Variants in SH3GL3 observed in about 807,000 individuals in gnomAD.
SH3GL3 encodes the protein SH3 domain containing GRB2 like 3, endophilin A3, also known as endophilin-A3.
In SH3GL3, 33 loss-of-function variants were observed where a neutral mutation model predicts 47.7. The ratio of observed to expected loss-of-function variants is 0.69; its 90% confidence interval spans 0.52 to 0.92. The LOEUF (loss-of-function observed/expected upper bound fraction) is 0.92. Among genes scored for constraint, SH3GL3 ranks in the 40% least tolerant of loss-of-function variants. The pLI is 0.00. For missense variants in SH3GL3, 363 were observed against 417.8 expected, an observed-to-expected ratio of 0.87 and a Z score of 1.14; for synonymous variants, 155 against 148.8, an observed-to-expected ratio of 1.04 and a Z score of -0.30.
intron 8 of SH3GL3, among the ~76,000 whole-genome samples, chr15:83,615,085 G>A (rs1477983396): frequency 6.7e-6 from 1 of 149,896 alleles, no homozygotes; most frequent in Non-Finnish European, 1.5e-5. Flanking sequence ...CATCAAATAG[G>A]ATGGCAAAAG....
intron 1 of SH3GL3, among the ~76,000 whole-genome samples, chr15:83,457,958 T>C (rs931362815): frequency 2.0e-5 from 3 of 152,218 alleles, no homozygotes; most frequent in Non-Finnish European, 4.4e-5. Flanking sequence ...TTTTTTTCCC[T>C]ATTGCTTTAG....
intron 1 of SH3GL3, among the ~76,000 whole-genome samples, chr15:83,470,892 A>G (rs1369531124): frequency 6.6e-6 from 1 of 152,172 alleles, no homozygotes; most frequent in Non-Finnish European, 1.5e-5. Context: ...GTTCAAGTGA[A>G]GTGTAGAAAA....
intron 1 of SH3GL3, among the ~76,000 whole-genome samples, chr15:83,507,447 G>A (rs1478513838): frequency 2.0e-5 from 3 of 150,950 alleles, no homozygotes; most frequent in Non-Finnish European, 2.9e-5. Flanking sequence ...AGAGAGTCTC[G>A]CTCTGTCGCC....
intron 1 of SH3GL3, among the ~76,000 whole-genome samples, chr15:83,530,791 T>C (rs946297717): frequency 8.5e-5 from 13 of 152,194 alleles, no homozygotes; most frequent in African/African-American, 2.9e-4. Flanking sequence ...TCATGATTCA[T>C]CTTTTCCATT....
intron 8 of SH3GL3, among the ~76,000 whole-genome samples, chr15:83,606,446 G>T (rs771761224): frequency 6.6e-6 from 1 of 152,160 alleles, no homozygotes; most frequent in African/African-American, 2.4e-5. Context: ...AGAAATATAT[G>T]CAATTTTTTT....
intron 1 of SH3GL3, among the ~76,000 whole-genome samples, chr15:83,541,077 T>C (rs1040872362): frequency 6.6e-6 from 1 of 152,166 alleles, no homozygotes; most frequent in Non-Finnish European, 1.5e-5. Context: ...CTTAACATAA[T>C]GTCCTCCACT....
At position 83,448,516 on chromosome 15, in the gene SH3GL3, T is replaced by C. The variant is rs370060937; in HGVS notation, c.45+938T>C. Among the ~76,000 whole-genome samples the C allele has an allele frequency of 2.0e-5, 3 of 151,084 alleles. No homozygotes were observed. The highest frequency in any genetic ancestry group is 3.9e-4 in the East Asian group (2 of 5,078). On this transcript the variant is annotated intron_variant, in intron 1 of 8. Coordinates refer to ENST00000427482, the MANE Select transcript of SH3GL3 (RefSeq NM_003027.5). The surrounding 1 kb of genome is among the most constrained non-coding windows in gnomAD (Gnocchi z 4.2). ...GCAAATTTGTTTTTCAACATCAACA[T>C]TGCAGGCTCTTCCAGCTATGGCAGA...
intron 1 of SH3GL3, among the ~76,000 whole-genome samples, chr15:83,525,790 A>G (rs186289345): frequency 1.6e-4 from 24 of 152,192 alleles, no homozygotes; most frequent in East Asian, 9.7e-4. Flanking sequence ...CCTTTCCCCA[A>G]TGTATGTTCT....
intron 2 of SH3GL3, 28 bp from the exon 3 acceptor site, chr15:83,565,106 C>T (rs752839571): frequency 1.9e-6 from 2 of 1,027,422 alleles, no homozygotes; most frequent in Non-Finnish European, 1.5e-6. Flanking sequence ...TTGTCATTTA[C>T]TAACTTTTTT....
intron 1 of SH3GL3, among the ~76,000 whole-genome samples, chr15:83,494,473 C>A (rs2041999647): frequency 6.6e-6 from 1 of 152,090 alleles, no homozygotes; most frequent in Non-Finnish European, 1.5e-5. Flanking sequence ...TCTTGAGGAT[C>A]CTTTGACCAG....
chr15:83,594,789 C>T (rs931674629), intron 8 of SH3GL3, among the ~76,000 whole-genome samples: 1 of 152,176 alleles, frequency 6.6e-6, no homozygotes, highest in African/African-American at 2.4e-5. Context: ...GTGCCATTCT[C>T]ATCCCATCAC....
chr15:83,450,761 T>TTC (rs1323503053), intron 1 of SH3GL3, among the ~76,000 whole-genome samples: 2 of 137,092 alleles, frequency 1.5e-5, no homozygotes, highest in South Asian at 2.5e-4. Flanking sequence ...ATATTTTTCT[T>TTC]TTTTTTTTTT....
intron 1 of SH3GL3, among the ~76,000 whole-genome samples, chr15:83,462,447 T>G (rs1339469980): frequency 6.6e-6 from 1 of 152,218 alleles, no homozygotes; most frequent in Non-Finnish European, 1.5e-5. Flanking sequence ...TAACAACTTT[T>G]TGTTCATATT....
chr15:83,559,788 A>T (rs1774407320), intron 2 of SH3GL3, among the ~76,000 whole-genome samples: 1 of 152,184 alleles, frequency 6.6e-6, no homozygotes, highest in Non-Finnish European at 1.5e-5. Context: ...GTAGAACCAG[A>T]GTGTGAACTT....
chr15:83,484,574 T>G (rs147862049), intron 1 of SH3GL3, among the ~76,000 whole-genome samples: 1 of 152,264 alleles, frequency 6.6e-6, no homozygotes, highest in Non-Finnish European at 1.5e-5. Context: ...CCCACATTTC[T>G]TTATTTTGGT....
chr15:83,450,595 G>A (rs558672417), intron 1 of SH3GL3, among the ~76,000 whole-genome samples: 31 of 152,018 alleles, frequency 2.0e-4, no homozygotes, highest in African/African-American at 7.5e-4. Context: ...GCAGCACATG[G>A]AGACCAACAG....
intron 1 of SH3GL3, among the ~76,000 whole-genome samples, chr15:83,517,205 C>CTTTTTTTTTTTTTTTTTTTTTTTTTTTTT: frequency 9.1e-6 from 1 of 109,692 alleles, no homozygotes; most frequent in Non-Finnish European, 1.9e-5. Flanking sequence ...CTTTTCTTTT[C>CTTTTTTTTTTTTTTTTTTTTTTTTTTTTT]TTTTTTTTTT....
At position 83,483,578 on chromosome 15, in the gene SH3GL3, C is replaced by G. The variant is rs569730765; in HGVS notation, c.45+36000C>G. ...GTTCCCAGCCCCAGTACTTGTCACA[C>G]AGTAGACACTCAATATTCATAGAAA... On this transcript the variant is annotated intron_variant, in intron 1 of 8. Transcript: ENST00000427482. Among the ~76,000 whole-genome samples, 80 of 152,314 alleles carry G rather than the reference C, an allele frequency of 5.3e-4. 1 individual carries two copies. Among genetic ancestry groups the G allele is most frequent in the Non-Finnish European group, 1.2e-4 (8 of 68,026 alleles).
intron 1 of SH3GL3, among the ~76,000 whole-genome samples, chr15:83,462,628 A>G (rs79073193): frequency 0.038 from 5,790 of 152,332 alleles, 339 homozygotes; most frequent in African/African-American, 0.13. Flanking sequence ...TAGATTTGTC[A>G]TACTCCTGTT....
Sources: gnomAD v4.1 joint callset for allele counts (sites outside exome capture counted in the v4.1 genomes callset) on GRCh38, gnomAD v4.1.1 for gene constraint, Gnocchi (gnomAD v3.1) non-coding constraint, MANE v1.5 for transcripts, NCBI Gene and HGNC (gene_info 2026-07-23, HGNC 2026-07-21) for gene names.